The following ANK3 variants were observed in gnomAD, a reference collection of about 807,000 sequenced individuals.
ANK3 encodes ankyrin 3.
Under a neutral mutation model 370.9 loss-of-function variants are expected in ANK3, and 57 were observed. That is an observed-to-expected ratio of 0.15 (90% CI 0.12 to 0.19). ANK3 has a LOEUF of 0.19. Among genes scored for constraint, ANK3 ranks in the 10% least tolerant of loss-of-function variants. ANK3 has a pLI of 1.00. For synonymous variants in ANK3, 1,929 were observed against 1,946.3 expected (o/e 0.99, Z 0.23); for missense variants, 4,439 against 5,302.1 (o/e 0.84, Z 5.06).
intron 1 of ANK3, among the ~76,000 whole-genome samples, chr10:60,282,933 A>G (rs1429713605): frequency 6.6e-6 from 1 of 152,190 alleles, no homozygotes; most frequent in African/African-American, 2.4e-5. Context: ...CCACAGAAAA[A>G]GAACCAATAA....
At position 60,071,939 on chromosome 10, in the gene ANK3, T is replaced by A; in HGVS notation, c.8942A>T (p.Glu2981Val). Residue 2981 changes from glutamate to valine, a missense_variant, in exon 37 of 44, where the codon GAA becomes GTA. Around this residue, in one of 13 missense-constraint regions of ANK3, gnomAD observed 1,601 missense variants for 1,731.7 expected, o/e 0.92. Transcript: ENST00000280772. Reference sequence around the variant, plus strand: ...TTCATGTTTTGGAAATGCCGACTGTTCACAAAAACCATCGGGAATATTAGA... The same window carrying A: ...TTCATGTTTTGGAAATGCCGACTGTACACAAAAACCATCGGGAATATTAGA... ...LSSNIPDGFCEQSAFPKHELS... is the reference protein window; with the variant it reads ...LSSNIPDGFCVQSAFPKHELS... The A allele has an allele frequency of 6.2e-7, 1 of 1,614,094 alleles. No homozygotes were observed. Among genetic ancestry groups the A allele is most frequent in the Non-Finnish European group, 8.5e-7 (1 of 1,179,998 alleles).
rs760440796 is a variant in ANK3, at chr10:60,071,989, A to G, written c.8892T>C (p.Val2964=). ...SSAVSHIPVR[V]ADERRMLSSN... Reference sequence around the variant, plus strand: ...AAGACAGCATTCTCCTCTCATCAGCAACTCTGACGGGAATGTGTGACACTG... The same window carrying G: ...AAGACAGCATTCTCCTCTCATCAGCGACTCTGACGGGAATGTGTGACACTG... Residue 2964 remains valine (V), a synonymous_variant, in exon 37 of 44, where the codon GTT becomes GTC. Coordinates refer to ENST00000280772, the MANE Select transcript of ANK3 (RefSeq NM_020987.5). 1 of 1,614,104 alleles carries G rather than the reference A, an allele frequency of 6.2e-7. No individual in the cohort carries two copies. Among genetic ancestry groups the G allele is most frequent in the South Asian group, 1.1e-5 (1 of 91,080 alleles).
chr10:60,605,111 C>T (rs556407278), intron 2 of ANK3, among the ~76,000 whole-genome samples: 5 of 152,278 alleles, frequency 3.3e-5, no homozygotes, highest in South Asian at 2.1e-4. Context: ...ATGGGCAATT[C>T]GTTTCCATAG....
At chr10:60,048,523 T>A (rs1268141615) in intron 42 of ANK3, among the ~76,000 whole-genome samples, 2 of 152,194 alleles carry the variant, frequency 1.3e-5, no homozygotes, top group African/African-American at 4.8e-5. Flanking sequence ...CTGCAGATGC[T>A]CAAGTCCCAG....
chr10:60,525,121 G>C (rs1341072499), intron 2 of ANK3, among the ~76,000 whole-genome samples: 1 of 152,046 alleles, frequency 6.6e-6, no homozygotes, highest in Admixed American at 6.6e-5. Flanking sequence ...GGCAATTGTA[G>C]GAGAAACTGG....
chr10:60,649,566 T>C (rs2078759732), intron 1 of ANK3, among the ~76,000 whole-genome samples: 1 of 152,206 alleles, frequency 6.6e-6, no homozygotes, highest in African/African-American at 2.4e-5. Context: ...ATATTTTTGA[T>C]ACACATCTTT....
chr10:60,138,864 G>A, intron 24 of ANK3, 100 bp downstream of exon 24: 1 of 1,465,562 alleles, frequency 6.8e-7, no homozygotes, highest in Non-Finnish European at 9.3e-7. Flanking sequence ...TTCATCCAAA[G>A]AACACATTTT....
intron 2 of ANK3, among the ~76,000 whole-genome samples, chr10:60,472,267 ATCAATAG>A (rs376412692): frequency 6.6e-6 from 1 of 152,334 alleles, no homozygotes; most frequent in African/African-American, 2.4e-5. Flanking sequence ...GCACTTTGGT[ATCAATAG>A]TCCTCATGCT....
intron 2 of ANK3, among the ~76,000 whole-genome samples, chr10:60,498,639 T>TGC: frequency 6.6e-6 from 1 of 152,150 alleles, no homozygotes; most frequent in East Asian, 1.9e-4. Flanking sequence ...GATCCTCCCA[T>TGC]CTTGGCCTCC....
chr10:60,144,469 A>G lies in ANK3; in HGVS notation c.2615-5382T>C, dbSNP rs541321941. Among the ~76,000 whole-genome samples, 8 of 152,316 alleles carry G rather than the reference A, an allele frequency of 5.3e-5. No individual in the cohort carries two copies. The South Asian group carries it at 1.0e-3, about 20-fold the overall frequency. On this transcript the variant is annotated intron_variant, in intron 23 of 43. Coordinates refer to ENST00000280772, the MANE Select transcript of ANK3 (RefSeq NM_020987.5). ...ATTGTTAATCTACATCTGTCAATAA[A>G]TTATCAGAGCCTACAAAATATTTAA...
At chr10:60,452,427 G>A (rs953927758) in intron 2 of ANK3, among the ~76,000 whole-genome samples, 16 of 152,184 alleles carry the variant, frequency 1.1e-4, no homozygotes, top group South Asian at 4.1e-4. Context: ...CTCAGCCTCC[G>A]CACTGAGAAA....
intron 1 of ANK3, among the ~76,000 whole-genome samples, chr10:60,677,969 T>C (rs2079148363): frequency 1.3e-5 from 2 of 152,068 alleles, no homozygotes; most frequent in Admixed American, 6.6e-5. Flanking sequence ...CCCTACTTAC[T>C]AACAGTACTT....
intron 28 of ANK3, among the ~76,000 whole-genome samples, chr10:60,092,216 C>T (rs1236121654): frequency 3.3e-5 from 5 of 151,960 alleles, no homozygotes; most frequent in Non-Finnish European, 7.4e-5. Flanking sequence ...GGAAAAATTC[C>T]CAAACTTTGG....
chr10:60,453,962 G>A (rs985672055), intron 2 of ANK3, among the ~76,000 whole-genome samples: 2 of 152,140 alleles, frequency 1.3e-5, no homozygotes, highest in African/African-American at 4.8e-5. Context: ...GATGAAATAT[G>A]ACTGGTTTAT....
chr10:60,473,280 T>C (rs1327472814), intron 2 of ANK3, among the ~76,000 whole-genome samples: 2 of 152,208 alleles, frequency 1.3e-5, no homozygotes, highest in Non-Finnish European at 2.9e-5. Context: ...TGGATTACCA[T>C]TGTTTTTTCT....
chr10:60,263,696 C>A, intron 6 of ANK3, 139 bp downstream of exon 6: 1 of 999,688 alleles, frequency 1.0e-6, no homozygotes. Flanking sequence ...CAGTGGCTAG[C>A]TCAGACACAC....
chr10:60,615,997 A>G (rs2078263144), intron 1 of ANK3, among the ~76,000 whole-genome samples: 1 of 152,178 alleles, frequency 6.6e-6, no homozygotes, highest in South Asian at 2.1e-4. Flanking sequence ...CGTAGAATGT[A>G]AAGAAAGGAA....
intron 1 of ANK3, among the ~76,000 whole-genome samples, chr10:60,717,835 T>G (rs2079811605): frequency 6.6e-6 from 1 of 152,190 alleles, no homozygotes; most frequent in Admixed American, 6.5e-5. Flanking sequence ...AAGAAAAATT[T>G]CAGTCAAATT....
intron 25 of ANK3, among the ~76,000 whole-genome samples, chr10:60,116,744 T>C (rs2093119117): frequency 6.7e-6 from 1 of 149,202 alleles, no homozygotes; most frequent in Admixed American, 6.7e-5. Flanking sequence ...GTTCAAATCC[T>C]CCCCTCAGTC....
Sources: allele counts gnomAD v4.1 joint callset (sites outside exome capture counted in the v4.1 genomes callset), GRCh38; gene constraint gnomAD v4.1.1; regional missense constraint gnomAD v4.1.1; transcripts MANE v1.5; gene names NCBI Gene and HGNC (gene_info 2026-07-23, HGNC 2026-07-21).